DNAAF4: variants seen among roughly 807,000 people sequenced by gnomAD.
DNAAF4 encodes the protein dynein axonemal assembly factor 4.
A neutral mutation model predicts 51.8 loss-of-function variants in DNAAF4; 43 were observed. That is an observed-to-expected ratio of 0.83 (90% CI 0.65 to 1.07). DNAAF4 has a LOEUF of 1.07. Ranked by LOEUF, DNAAF4 falls within the 50% of genes least tolerant of loss-of-function variation. The pLI, the probability that DNAAF4 is intolerant of heterozygous loss-of-function variation, is 0.00. For synonymous variants in DNAAF4, 194 were observed against 165.6 expected (o/e 1.17, Z -1.32); for missense variants, 581 against 493.0 (o/e 1.18, Z -1.69).
intron 5 of DNAAF4, among the ~76,000 whole-genome samples, chr15:55,452,614 C>T (rs1347439738): frequency 6.6e-6 from 1 of 152,046 alleles, no homozygotes; most frequent in African/African-American, 2.4e-5. Flanking sequence ...AAAACTTTTA[C>T]TACAAAGTTT....
intron 3 of DNAAF4, among the ~76,000 whole-genome samples, chr15:55,492,095 G>A (rs1304240134): frequency 6.6e-6 from 1 of 151,730 alleles, no homozygotes; most frequent in East Asian, 1.9e-4. Context: ...GGGCTCAAGC[G>A]ATGCTCCTAC....
At chr15:55,474,511 G>A (rs1275256123) in intron 4 of DNAAF4, among the ~76,000 whole-genome samples, 1 of 152,022 alleles carries the variant, frequency 6.6e-6, no homozygotes, top group Non-Finnish European at 1.5e-5. Context: ...TCCAGCCTGG[G>A]CGACAGCGTG....
At chr15:55,443,395 C>T in intron 6 of DNAAF4, 1 of 623,312 alleles carries the variant, frequency 1.6e-6, no homozygotes, top group Non-Finnish European at 2.8e-6. Context: ...CGCACTTGCT[C>T]TAGCCCTGGA....
At chr15:55,462,764 T>A (rs1242830045) in intron 5 of DNAAF4, among the ~76,000 whole-genome samples, 1 of 152,198 alleles carries the variant, frequency 6.6e-6, no homozygotes, top group African/African-American at 2.4e-5. Context: ...GTGGGTTTCA[T>A]ACCAGGGATG....
intron 6 of DNAAF4, chr15:55,442,728 A>T: frequency 6.4e-7 from 1 of 1,554,078 alleles, no homozygotes; most frequent in Non-Finnish European, 8.9e-7. Flanking sequence ...TACTGGAAAC[A>T]AAAAATTTCT....
At chr15:55,506,401 G>A (rs8040756) in intron 1 of DNAAF4, among the ~76,000 whole-genome samples, 43,111 of 152,026 alleles carry the variant, frequency 0.28, 9,573 homozygotes, top group African/African-American at 0.63. Context: ...GGGTTTTTCA[G>A]CCTCCACACT....
chr15:55,452,422 A>G (rs542848377), intron 5 of DNAAF4, among the ~76,000 whole-genome samples: 160 of 152,080 alleles, frequency 1.1e-3, no homozygotes, highest in African/African-American at 3.6e-3. Flanking sequence ...AAAAAAAACT[A>G]TATTGCTACA....
chr15:55,472,597 GAC>G (rs2141527354), intron 4 of DNAAF4, among the ~76,000 whole-genome samples: 1 of 152,170 alleles, frequency 6.6e-6, no homozygotes, highest in East Asian at 1.9e-4. Flanking sequence ...TAGCCTGGGT[GAC>G]ACAGTGAGAC....
intron 5 of DNAAF4, among the ~76,000 whole-genome samples, chr15:55,454,121 T>C (rs565682390): frequency 1.3e-5 from 2 of 151,482 alleles, no homozygotes; most frequent in Non-Finnish European, 2.9e-5. Flanking sequence ...GCCAATATGG[T>C]GAAACCCCGT....
Position 55,465,386 on chromosome 15 carries a change from GTA to G in DNAAF4, c.637+1542_637+1543del, listed in dbSNP as rs146504575. On this transcript the variant is annotated intron_variant, in intron 5 of 9. Coordinates refer to ENST00000321149, the MANE Select transcript of DNAAF4 (RefSeq NM_130810.4). ...AATGAGAAGATAAAGAAAATATGGT[GTA>G]TATATACACACACACACACACACAC... Among the ~76,000 whole-genome samples, 112 of 32,510 alleles carry G rather than the reference GTA, an allele frequency of 3.4e-3. 3 individuals are homozygous for G. Among genetic ancestry groups the G allele is most frequent in the East Asian group, 0.025 (10 of 400 alleles). The allele number at this position is 32,510 out of a possible 152,430, so 21.3% of individuals were successfully genotyped here.
intron 4 of DNAAF4, among the ~76,000 whole-genome samples, chr15:55,478,216 G>A (rs2141546988): frequency 6.6e-6 from 1 of 152,316 alleles, no homozygotes; most frequent in Middle Eastern, 3.4e-3. Context: ...CCCTCCACTA[G>A]GACAATGACT....
intron 6 of DNAAF4, 72 bp from the exon 7 acceptor site, chr15:55,439,653 C>A: frequency 7.5e-7 from 1 of 1,326,782 alleles, no homozygotes. Context: ...TTAGATTTTC[C>A]ATCTTCCTCC....
At chr15:55,482,625 G>A (rs1318781893) in intron 4 of DNAAF4, among the ~76,000 whole-genome samples, 1 of 152,144 alleles carries the variant, frequency 6.6e-6, no homozygotes, top group Non-Finnish European at 1.5e-5. Flanking sequence ...GTTGCAGTGA[G>A]CTGAGATCAT....
At position 55,447,215 on chromosome 15, in the gene DNAAF4, C is replaced by T. The variant is rs149818014; in HGVS notation, c.783+3007G>A. 8.6e-3 allele frequency among the ~76,000 whole-genome samples: 1,234 copies of T among 143,050 alleles called. 13 individuals carry two copies. The highest frequency in any genetic ancestry group is 0.03 in the African/African-American group (1,150 of 38,268). 93.8% of individuals were successfully genotyped at this position (143,050 alleles called of 152,430 possible). A position where few individuals can be genotyped will look rare whatever the true frequency, so the allele number is the denominator to read the frequency against. ...GCAGAGGCGCTCCTCACTTCCCAGA[C>T]GGGGCAGCCGGGCAGAGGCGCTCCC... On this transcript the variant is annotated intron_variant, in intron 6 of 9. Transcript: ENST00000321149.
In DNAAF4 at chr15:55,443,206, T is replaced by A. The variant is rs112749514; in HGVS notation, c.784-3625A>T. ...TCTTAGGTCCTTGTTCCAGCTGGGGTTGGGGACAGAATAGTCCTTAAGAAT... is the reference window on the plus strand; with the variant it reads ...TCTTAGGTCCTTGTTCCAGCTGGGGATGGGGACAGAATAGTCCTTAAGAAT... On this transcript the variant is annotated intron_variant, in intron 6 of 9. Coordinates refer to ENST00000321149, the MANE Select transcript of DNAAF4 (RefSeq NM_130810.4). 14 of 1,609,892 alleles carry A rather than the reference T, an allele frequency of 8.7e-6. No individual in the cohort carries two copies. In the African/African-American group the frequency reaches 1.1e-4, roughly 12 times the overall value.
At chr15:55,451,096 C>CAACA (rs1376075577) in intron 5 of DNAAF4, among the ~76,000 whole-genome samples, 5 of 151,970 alleles carry the variant, frequency 3.3e-5, no homozygotes, top group African/African-American at 9.7e-5. Flanking sequence ...ACTCCGTCTC[C>CAACA]AACAAACAAA....
intron 1 of DNAAF4, among the ~76,000 whole-genome samples, chr15:55,502,474 T>C (rs965486937): frequency 3.3e-5 from 5 of 152,226 alleles, no homozygotes; most frequent in African/African-American, 1.2e-4. Flanking sequence ...GGTTTAATCA[T>C]TTCTTCCATT....
chr15:55,429,490 T>C (rs12912400), downstream of DNAAF4, among the ~76,000 whole-genome samples: 146,084 of 148,610 alleles, frequency 0.98, 71,835 homozygotes, highest in East Asian at 1. Context: ...TGCTCTCCAG[T>C]CTGGGCAACA....
rs912432383 is a variant in DNAAF4 at position 55,501,108 on chromosome 15, G to C, written c.-255-2524C>G. 1.4e-3 allele frequency among the ~76,000 whole-genome samples: 207 copies of C among 151,538 alleles called. 3 individuals carry two copies. Among genetic ancestry groups the C allele is most frequent in the Non-Finnish European group, 4.9e-4 (33 of 67,972 alleles). ...CAGACGGAGTCTCACTCTCTCACCA[G>C]GCTGGAGTGCAGTGGCGCGATCTCG... On this transcript the variant is annotated intron_variant, in intron 1 of 9. Coordinates refer to ENST00000321149, the MANE Select transcript of DNAAF4 (RefSeq NM_130810.4).
Sources: allele counts gnomAD v4.1 joint callset (sites outside exome capture counted in the v4.1 genomes callset), GRCh38; gene constraint gnomAD v4.1.1; transcripts MANE v1.5; gene names NCBI Gene and HGNC (gene_info 2026-07-23, HGNC 2026-07-21).